Variants in IQCM observed in about 807,000 individuals in gnomAD.
IQCM encodes IQ motif containing M.
Under a neutral mutation model 57.6 loss-of-function variants are expected in IQCM, and 45 were observed. The observed-to-expected ratio is 0.78, with a 90% confidence interval of 0.62 to 1.00. The LOEUF is 1.00. IQCM is among the 50% of genes least tolerant of loss of function. The pLI, the probability that IQCM is intolerant of heterozygous loss-of-function variation, is 0.00. For synonymous variants in IQCM, 148 were observed against 158.9 expected, an observed-to-expected ratio of 0.93 and a Z score of 0.51; for missense variants, 468 against 511.6, an observed-to-expected ratio of 0.91 and a Z score of 0.82.
intron 2 of IQCM, among the ~76,000 whole-genome samples, chr4:149,803,665 C>A (rs566636229): frequency 2.6e-5 from 4 of 151,864 alleles, no homozygotes; most frequent in Non-Finnish European, 5.9e-5. Context: ...GGTAAATACA[C>A]CTTTAGTGTG....
At chr4:149,485,821 A>G (rs2149762763) in intron 12 of IQCM, among the ~76,000 whole-genome samples, 1 of 152,220 alleles carries the variant, frequency 6.6e-6, no homozygotes. Flanking sequence ...TGTAGTCTTC[A>G]CAGTCTGGGC....
chr4:149,495,823 C>T (rs747245406), intron 12 of IQCM, among the ~76,000 whole-genome samples: 1 of 152,014 alleles, frequency 6.6e-6, no homozygotes, highest in Non-Finnish European at 1.5e-5. Context: ...TGTAATTTTG[C>T]CTAAGTCATG....
intron 7 of IQCM, among the ~76,000 whole-genome samples, chr4:149,633,981 C>T (rs1757507975): frequency 6.6e-6 from 1 of 151,982 alleles, no homozygotes; most frequent in African/African-American, 2.4e-5. Context: ...TAATTCTCAG[C>T]TTTATCTTTT....
chr4:149,368,594 C>T (rs1578815399), intron 13 of IQCM, among the ~76,000 whole-genome samples: 1 of 150,704 alleles, frequency 6.6e-6, no homozygotes, highest in Non-Finnish European at 1.5e-5. Context: ...TAAGCAAGGA[C>T]ATGAGAGATG....
At chr4:149,538,953 G>A (rs1017322795) in intron 12 of IQCM, among the ~76,000 whole-genome samples, 14 of 151,876 alleles carry the variant, frequency 9.2e-5, no homozygotes, top group African/African-American at 2.9e-4. Flanking sequence ...ATAGAAAGAC[G>A]TTAATAATTT....
At chr4:149,788,149 C>G (rs571081389) in intron 2 of IQCM, among the ~76,000 whole-genome samples, 1 of 152,124 alleles carries the variant, frequency 6.6e-6, no homozygotes, top group Admixed American at 6.5e-5. Context: ...GCCTGGCCAA[C>G]ATGGTGAAAC....
At chr4:149,694,755 A>G (rs1763215847) in intron 5 of IQCM, among the ~76,000 whole-genome samples, 2 of 152,102 alleles carry the variant, frequency 1.3e-5, no homozygotes, top group African/African-American at 4.8e-5. Context: ...TGTAGAGGGG[A>G]TTTTATGTTG....
At chr4:149,657,183 A>G (rs902249059) in intron 7 of IQCM, among the ~76,000 whole-genome samples, 1 of 151,922 alleles carries the variant, frequency 6.6e-6, no homozygotes, top group Non-Finnish European at 1.5e-5. Context: ...CGCCTACCCA[A>G]TTTCTAGTAA....
chr4:149,477,503 T>C (rs1393524025), intron 12 of IQCM, among the ~76,000 whole-genome samples: 1 of 152,138 alleles, frequency 6.6e-6, no homozygotes, highest in Non-Finnish European at 1.5e-5. Context: ...GAACTTGGTA[T>C]ATATAAGGAA....
At chr4:149,391,512 C>T (rs903624726) in intron 13 of IQCM, among the ~76,000 whole-genome samples, 12 of 151,624 alleles carry the variant, frequency 7.9e-5, no homozygotes, top group Admixed American at 7.9e-4. Flanking sequence ...CTCTGACATT[C>T]ATTATTTCCT....
intron 2 of IQCM, among the ~76,000 whole-genome samples, chr4:149,797,896 G>T (rs1176601330): frequency 2.0e-5 from 3 of 151,564 alleles, no homozygotes; most frequent in Non-Finnish European, 2.9e-5. Context: ...AAAGCTGAGT[G>T]ATTTCATCAA....
chr4:149,504,913 A>T (rs1178649215), intron 12 of IQCM, among the ~76,000 whole-genome samples: 1 of 152,106 alleles, frequency 6.6e-6, no homozygotes, highest in African/African-American at 2.4e-5. Flanking sequence ...AGAGAGAGAG[A>T]GACCCTGGGA....
chr4:149,519,653 A>T (rs1745402282), intron 12 of IQCM, among the ~76,000 whole-genome samples: 1 of 151,728 alleles, frequency 6.6e-6, no homozygotes, highest in African/African-American at 2.4e-5. Flanking sequence ...CTCAAAAAAA[A>T]AAAGATTGCT....
intron 13 of IQCM, among the ~76,000 whole-genome samples, chr4:149,357,875 T>G (rs1201175233): frequency 1.3e-5 from 2 of 152,194 alleles, no homozygotes; most frequent in Non-Finnish European, 2.9e-5. Context: ...CATCTGGTCC[T>G]GGAATTTTTT....
Position 149,760,676 on chromosome 4 carries a change from G to A in IQCM, c.-48-17937C>T, listed in dbSNP as rs562254213. On this transcript the variant is annotated intron_variant, in intron 2 of 13. Coordinates refer to ENST00000636793, the MANE Select transcript of IQCM (RefSeq NM_001363507.2). ...CCAATGAACTCAGTGTTATATTCAT[G>A]TTTATATATATATTCATTTACTTAT... Among the ~76,000 whole-genome samples the A allele has an allele frequency of 8.3e-4, 126 of 151,954 alleles. 1 individual carries two copies. The highest frequency in any genetic ancestry group is 2.9e-3 in the African/African-American group (120 of 41,472).
Position 149,560,460 on chromosome 4 carries a change from T to G in IQCM, c.948+3232A>C, listed in dbSNP as rs566648072. ...TTAAAACTTTAAAATTATAAATATT[T>G]AGAGAAAAATATTGAAATTAAGTAA... On this transcript the variant is annotated intron_variant, in intron 10 of 13. Transcript: ENST00000636793. 1.3e-5 allele frequency among the ~76,000 whole-genome samples: 2 copies of G among 152,114 alleles called. 1 individual carries two copies. The highest frequency in any genetic ancestry group is 4.1e-4 in the South Asian group (2 of 4,824).
Position 149,548,371 on chromosome 4 carries a change from GAAC to G in IQCM, c.1228+81_1228+83del, listed in dbSNP as rs932036424. ...AAGGGAAGGAATGAAGAAAGGAAGA[GAAC>G]AACTAAGGAAAGTTGGGAAAGAGAA... On this transcript the variant is annotated intron_variant, in intron 12 of 13. Coordinates refer to ENST00000636793, the MANE Select transcript of IQCM (RefSeq NM_001363507.2). The G allele has an allele frequency of 2.8e-5, 31 of 1,107,170 alleles. No individual in the cohort carries two copies. The African/African-American group carries it at 4.4e-4, about 16-fold the overall frequency. The allele number at this position is 1,107,170 out of a possible 1,614,324, so 68.6% of individuals were successfully genotyped here. A position where few individuals can be genotyped will look rare whatever the true frequency, so the allele number is the denominator to read the frequency against.
At chr4:149,552,107 T>C in intron 11 of IQCM, among the ~76,000 whole-genome samples, 1 of 152,192 alleles carries the variant, frequency 6.6e-6, no homozygotes, top group East Asian at 1.9e-4. Context: ...GAAAAGAAAC[T>C]ATTCTAACTC....
intron 13 of IQCM, among the ~76,000 whole-genome samples, chr4:149,366,272 T>C (rs996603450): frequency 6.6e-6 from 1 of 152,044 alleles, no homozygotes; most frequent in African/African-American, 2.4e-5. Context: ...TAGACTGGCT[T>C]GTGAAAACCT....
Sources: gnomAD v4.1 joint callset for allele counts (sites outside exome capture counted in the v4.1 genomes callset) on GRCh38, gnomAD v4.1.1 for gene constraint, MANE v1.5 for transcripts, NCBI Gene and HGNC (gene_info 2026-07-23, HGNC 2026-07-21) for gene names.